The following RNF220 variants were observed in gnomAD, a reference collection of about 807,000 sequenced individuals.
RNF220 encodes the protein ring finger protein 220.
In RNF220, 7 loss-of-function variants were observed where a neutral mutation model predicts 67.1. The ratio of observed to expected loss-of-function variants is 0.10; its 90% CI spans 0.06 to 0.20. The LOEUF is 0.20. RNF220 is among the 10% of genes least tolerant of loss of function. The pLI is 1.00. For missense variants in RNF220, 565 were observed against 740.3 expected (o/e 0.76, Z 2.75); for synonymous variants, 270 against 283.2 (o/e 0.95, Z 0.47).
At chr1:44,418,130 G>A (rs1382523740) in intron 2 of RNF220, among the ~76,000 whole-genome samples, 3 of 152,224 alleles carry the variant, frequency 2.0e-5, no homozygotes, top group Non-Finnish European at 4.4e-5. Flanking sequence ...TAAGGGGGGG[G>A]CGCCCACGCG....
intron 2 of RNF220, among the ~76,000 whole-genome samples, chr1:44,532,579 A>G (rs1660913813): frequency 6.6e-6 from 1 of 152,198 alleles, no homozygotes; most frequent in South Asian, 2.1e-4. Flanking sequence ...TGCAAAGTTG[A>G]ATAGCTTATA....
At chr1:44,523,676 C>T (rs1243628117) in intron 2 of RNF220, among the ~76,000 whole-genome samples, 2 of 151,918 alleles carry the variant, frequency 1.3e-5, no homozygotes, top group African/African-American at 2.4e-5. Context: ...GAACCTGCTT[C>T]GCATGGTGTT....
intron 2 of RNF220, among the ~76,000 whole-genome samples, chr1:44,415,666 C>T (rs1473038944): frequency 2.7e-5 from 4 of 148,160 alleles, no homozygotes; most frequent in East Asian, 3.9e-4. Context: ...AGTCAAACTC[C>T]GAAGTAAGCA....
chr1:44,608,815 A>G (rs998331197), intron 2 of RNF220, among the ~76,000 whole-genome samples: 5 of 152,216 alleles, frequency 3.3e-5, no homozygotes, highest in African/African-American at 1.2e-4. Context: ...CTGAGTGGTA[A>G]AAGATCTGGA....
intron 2 of RNF220, among the ~76,000 whole-genome samples, chr1:44,493,311 C>T (rs1194033232): frequency 6.6e-6 from 1 of 152,066 alleles, no homozygotes; most frequent in African/African-American, 2.4e-5. Context: ...GTCAGGAGTT[C>T]GAGGCCAGCC....
chr1:44,545,210 G>T lies in RNF220; in HGVS notation c.626-68955G>T, dbSNP rs1336090248. On this transcript the variant is annotated intron_variant, in intron 2 of 14. Coordinates refer to ENST00000361799, the MANE Select transcript of RNF220 (RefSeq NM_018150.4). ...GAAGAGCCAGTCACAAAGGGAACTC[G>T]GAGATGTGCAGGACAGAGAGAAGAG... Among the ~76,000 whole-genome samples the T allele has an allele frequency of 2.0e-5, 3 of 152,220 alleles. No homozygotes were observed. The South Asian group carries it at 6.2e-4, about 31-fold the overall frequency.
chr1:44,626,658 T>C (rs1244458114), intron 5 of RNF220: 1 of 497,394 alleles, frequency 2.0e-6, no homozygotes, highest in African/African-American at 1.9e-5. Context: ...TGAATCATTC[T>C]ATCCATCAGG....
chr1:44,548,245 G>T (rs1410595109), intron 2 of RNF220, among the ~76,000 whole-genome samples: 1 of 152,086 alleles, frequency 6.6e-6, no homozygotes, highest in Non-Finnish European at 1.5e-5. Flanking sequence ...TCTGACCAAT[G>T]TTCACCATCC....
At chr1:44,558,968 G>T (rs1009066778) in intron 2 of RNF220, among the ~76,000 whole-genome samples, 2 of 152,226 alleles carry the variant, frequency 1.3e-5, no homozygotes, top group African/African-American at 4.8e-5. Context: ...CACAGCTGTT[G>T]TTTAGGCAAT....
intron 4 of RNF220, among the ~76,000 whole-genome samples, chr1:44,625,376 A>T (rs1407402145): frequency 6.6e-6 from 1 of 152,202 alleles, no homozygotes; most frequent in African/African-American, 2.4e-5. Flanking sequence ...TTGCCTGAGG[A>T]TGTGCAGCAT....
chr1:44,473,773 C>T (rs1162769591), intron 2 of RNF220, among the ~76,000 whole-genome samples: 1 of 152,168 alleles, frequency 6.6e-6, no homozygotes, highest in Non-Finnish European at 1.5e-5. Context: ...TTCCACCTAA[C>T]TTACATGCCT....
chr1:44,625,382 A>C (rs1004399819), intron 4 of RNF220, among the ~76,000 whole-genome samples: 3 of 152,246 alleles, frequency 2.0e-5, no homozygotes, highest in Non-Finnish European at 4.4e-5. Context: ...GAGGATGTGC[A>C]GCATGGCCAC....
chr1:44,541,292 G>A (rs1446141108), intron 2 of RNF220, among the ~76,000 whole-genome samples: 2 of 152,160 alleles, frequency 1.3e-5, no homozygotes, highest in African/African-American at 2.4e-5. Context: ...GCCAGGTGTG[G>A]TGGCACACAC....
chr1:44,542,980 C>G (rs1205150249), intron 2 of RNF220, among the ~76,000 whole-genome samples: 2 of 152,154 alleles, frequency 1.3e-5, no homozygotes, highest in Non-Finnish European at 2.9e-5. Context: ...CCTGGAGGGC[C>G]CTGTCTCTCG....
chr1:44,559,647 G>T (rs1382629341), intron 2 of RNF220, among the ~76,000 whole-genome samples: 1 of 152,196 alleles, frequency 6.6e-6, no homozygotes, highest in Non-Finnish European at 1.5e-5. Context: ...GAGCAGGCCT[G>T]TTAGGAAGAG....
At chr1:44,629,189 T>C (rs1251086894) in intron 5 of RNF220, among the ~76,000 whole-genome samples, 1 of 152,346 alleles carries the variant, frequency 6.6e-6, no homozygotes, top group South Asian at 2.1e-4. Flanking sequence ...AGAGGGTAAA[T>C]GCCAAAGCCG....
chr1:44,508,897 G>GC (rs1287607326), intron 2 of RNF220, among the ~76,000 whole-genome samples: 1 of 152,098 alleles, frequency 6.6e-6, no homozygotes, highest in Non-Finnish European at 1.5e-5. Context: ...AAAGGAGTAA[G>GC]CCCTTTTTTA....
chr1:44,466,581 G>A (rs565685165), intron 2 of RNF220, among the ~76,000 whole-genome samples: 1 of 152,240 alleles, frequency 6.6e-6, no homozygotes, highest in Admixed American at 6.5e-5. Context: ...AGACTTGAAA[G>A]TTGAAATTAC....
intron 2 of RNF220, among the ~76,000 whole-genome samples, chr1:44,488,931 A>G (rs541024229): frequency 6.6e-6 from 1 of 151,956 alleles, no homozygotes; most frequent in Non-Finnish European, 1.5e-5. Flanking sequence ...GGGTTTCGCT[A>G]TGTTGGCCAG....
Sources: gnomAD v4.1 joint callset for allele counts (sites outside exome capture counted in the v4.1 genomes callset) on GRCh38, gnomAD v4.1.1 for gene constraint, MANE v1.5 for transcripts, NCBI Gene and HGNC (gene_info 2026-07-23, HGNC 2026-07-21) for gene names.